Variants in POLR3E observed in about 807,000 individuals in gnomAD.
POLR3E encodes RNA polymerase III subunit E.
Under a neutral mutation model 96.6 loss-of-function variants are expected in POLR3E, and 41 were observed. The ratio of observed to expected loss-of-function variants is 0.42; its 90% CI spans 0.33 to 0.55. The LOEUF is 0.55. POLR3E is among the 20% of genes least tolerant of loss of function. The probability of loss-of-function intolerance (pLI) is 0.06; values close to 1 mark genes in which losing one functional copy is unlikely to be tolerated. For synonymous variants in POLR3E, 396 were observed against 383.6 expected, an observed-to-expected ratio of 1.03 and a Z score of -0.38; for missense variants, 849 against 952.1, an observed-to-expected ratio of 0.89 and a Z score of 1.43.
intron 1 of POLR3E, among the ~76,000 whole-genome samples, chr16:22,300,621 G>A (rs926241074): frequency 3.3e-5 from 5 of 152,236 alleles, no homozygotes; most frequent in African/African-American, 9.6e-5. Flanking sequence ...CAGATGGGGT[G>A]AGGCCTTGGG....
rs549639912 is a variant in POLR3E, at chr16:22,333,800, G to A, written c.*100G>A. 3.9e-5 allele frequency: 31 copies of A among 804,200 alleles called. No homozygotes were observed. The African/African-American group carries it at 5.1e-4, about 13-fold the overall frequency. 49.8% of individuals were successfully genotyped at this position (804,200 alleles called of 1,614,324 possible). A position where few individuals can be genotyped will look rare whatever the true frequency, so the allele number is the denominator to read the frequency against. ...TTGCTTCAGACGACACAGAGCAAGA[G>A]GAACTGACCATCTCATGACCTGTGG... On this transcript the variant is annotated 3_prime_UTR_variant, in exon 21 of 21. Coordinates refer to ENST00000299853, the MANE Select transcript of POLR3E (RefSeq NM_018119.4).
In POLR3E at chr16:22,323,704, G is replaced by C. The variant is rs550555574; in HGVS notation, c.1069-650G>C. ...CAGCATGTAACAATCACCACTCCCA[G>C]GCTTGCCTCCCCAGATACAGTGCCG... On this transcript the variant is annotated intron_variant, in intron 14 of 20. Coordinates refer to ENST00000299853, the MANE Select transcript of POLR3E (RefSeq NM_018119.4). 3.5e-4 allele frequency among the ~76,000 whole-genome samples: 53 copies of C among 152,282 alleles called. No individual in the cohort carries two copies. The South Asian group carries it at 0.011, about 31-fold the overall frequency.
intron 13 of POLR3E, among the ~76,000 whole-genome samples, chr16:22,321,106 C>T (rs777893387): frequency 3.3e-5 from 5 of 152,140 alleles, no homozygotes; most frequent in Non-Finnish European, 5.9e-5. Context: ...GCTGCCTCCA[C>T]GAGACCATCA....
intron 6 of POLR3E, among the ~76,000 whole-genome samples, chr16:22,312,873 CAAAAA>C (rs1167609047): frequency 1.6e-4 from 5 of 30,406 alleles, no homozygotes; most frequent in African/African-American, 3.4e-4. Context: ...CACTCCATCT[CAAAAA>C]AAAAAAAAAA....
chr16:22,319,061 C>T, intron 13 of POLR3E, 115 bp downstream of exon 13: 1 of 685,576 alleles, frequency 1.5e-6, no homozygotes, highest in South Asian at 2.1e-5. Context: ...TGTAACTTCT[C>T]CCTCCCAGGT....
chr16:22,331,940 G>A (rs968827001), intron 19 of POLR3E, 120 bp from the exon 20 acceptor site: 16 of 948,060 alleles, frequency 1.7e-5, no homozygotes, highest in East Asian at 4.9e-5. Context: ...GAGGTGCTGC[G>A]TGAGGGTTTT....
chr16:22,301,884 C>T (rs1043607575), intron 1 of POLR3E, among the ~76,000 whole-genome samples: 5 of 149,594 alleles, frequency 3.3e-5, no homozygotes, highest in South Asian at 2.1e-4. Flanking sequence ...ATCGTACCAC[C>T]GCACTCCAGC....
chr16:22,301,161 G>C (rs1033538766), intron 1 of POLR3E, among the ~76,000 whole-genome samples: 1 of 141,370 alleles, frequency 7.1e-6, no homozygotes, highest in African/African-American at 2.5e-5. Flanking sequence ...GTTATCGGGG[G>C]GGTAGAGCAG....
rs1179048586 is a variant in POLR3E, at chr16:22,322,689, G to A, written c.987-161G>A. On this transcript the variant is annotated intron_variant, in intron 13 of 20. Transcript: ENST00000299853. This position sits in a 1 kb window ranked among gnomAD's most constrained non-coding sequence, Gnocchi z 5.2. Reference sequence around the variant, plus strand: ...GGGTAGAGGGGTGCTTCTTTCCCATGTCTGTGTTCACAGATGTGGCTCCTA... The same window carrying A: ...GGGTAGAGGGGTGCTTCTTTCCCATATCTGTGTTCACAGATGTGGCTCCTA... Among the ~76,000 whole-genome samples, 3 of 151,960 alleles carry A rather than the reference G, an allele frequency of 2.0e-5. No individual in the cohort carries two copies. The highest frequency in any genetic ancestry group is 4.4e-5 in the Non-Finnish European group (3 of 68,006).
intron 15 of POLR3E, 39 bp from the exon 16 acceptor site, chr16:22,324,464 G>T: frequency 6.2e-7 from 1 of 1,610,690 alleles, no homozygotes; most frequent in South Asian, 1.1e-5. Flanking sequence ...GGAGGGGAGG[G>T]GGCTGGCTGT....
intron 2 of POLR3E, among the ~76,000 whole-genome samples, chr16:22,303,602 G>A (rs2048070114): frequency 6.6e-6 from 1 of 150,842 alleles, no homozygotes; most frequent in Non-Finnish European, 1.5e-5. Flanking sequence ...TGATGAGGCA[G>A]GAGTCTCCGG....
At position 22,334,648 on chromosome 16, in the gene POLR3E, A is replaced by G. The variant is rs1286607813; in HGVS notation, c.*948A>G. 3 of 152,212 alleles carry G rather than the reference A, an allele frequency of 2.0e-5. No individual in the cohort carries two copies. Among genetic ancestry groups the G allele is most frequent in the African/African-American group, 7.2e-5 (3 of 41,456 alleles). The allele number at this position is 152,212 out of a possible 1,614,324, so 9.4% of individuals were successfully genotyped here. A position where few individuals can be genotyped will look rare whatever the true frequency, so the allele number is the denominator to read the frequency against. On this transcript the variant is annotated 3_prime_UTR_variant, in exon 21 of 21. Coordinates refer to ENST00000299853, the MANE Select transcript of POLR3E (RefSeq NM_018119.4). ...GTTAGCATATTATTTAGCTCAAAAT[A>G]TCTAAAACATCAACATAAGGTAAAA...
chr16:22,313,939 T>C lies in POLR3E; in HGVS notation c.473-140T>C, dbSNP rs1005355196. 1 of 781,984 alleles carries C rather than the reference T, an allele frequency of 1.3e-6. No homozygotes were observed. The highest frequency in any genetic ancestry group is 2.1e-5 in the Admixed American group (1 of 47,514). The allele number at this position is 781,984 out of a possible 1,614,324, so 48.4% of individuals were successfully genotyped here. On this transcript the variant is annotated intron_variant, in intron 7 of 20. Transcript: ENST00000299853. The surrounding 1 kb of genome is among the most constrained non-coding windows in gnomAD (Gnocchi z 4.1). ...GTAAAGGGGCAAAACTGTCCCCGAT[T>C]GAGAACCACTGGCTTAGGCAGCTCC...
intron 9 of POLR3E, among the ~76,000 whole-genome samples, chr16:22,315,877 G>T (rs1002569363): frequency 2.4e-4 from 36 of 152,162 alleles, no homozygotes; most frequent in African/African-American, 8.4e-4. Flanking sequence ...ATGTTGGCCA[G>T]GCTGGTCTCG....
At chr16:22,307,354 C>T (rs1316709494) in intron 3 of POLR3E, among the ~76,000 whole-genome samples, 2 of 152,100 alleles carry the variant, frequency 1.3e-5, no homozygotes, top group African/African-American at 2.4e-5. Context: ...AGGAAATGAC[C>T]GTCTCCTTGC....
chr16:22,319,551 C>T lies in POLR3E; in HGVS notation c.986+605C>T, dbSNP rs544496731. Among the ~76,000 whole-genome samples the T allele has an allele frequency of 2.6e-5, 4 of 152,130 alleles. No homozygotes were observed. In the South Asian group the frequency reaches 8.3e-4, roughly 32 times the overall value. On this transcript the variant is annotated intron_variant, in intron 13 of 20. Coordinates refer to ENST00000299853, the MANE Select transcript of POLR3E (RefSeq NM_018119.4). ...GTAGCTGGGACTACAAGGCACCCGC[C>T]ACCACGCCCAGCTAATTTTTTGTAT...
At chr16:22,301,925 A>G (rs1477287392) in intron 1 of POLR3E, among the ~76,000 whole-genome samples, 2 of 137,922 alleles carry the variant, frequency 1.5e-5, no homozygotes, top group African/African-American at 5.1e-5. Context: ...CCGTCTCAAG[A>G]AAAAAAAAAA....
chr16:22,325,594 G>A (rs761759694), intron 17 of POLR3E, among the ~76,000 whole-genome samples, 167 bp from the exon 18 acceptor site: 4 of 152,158 alleles, frequency 2.6e-5, no homozygotes, highest in Non-Finnish European at 4.4e-5. Context: ...CATGACTCTC[G>A]GCACGCTGGG....
intron 19 of POLR3E, chr16:22,328,891 C>G (rs2048671019): frequency 2.1e-5 from 7 of 326,570 alleles, no homozygotes; most frequent in South Asian, 1.9e-4. Context: ...TTTGGGAGGC[C>G]AAGGTGGGTG....
Sources: gnomAD v4.1 joint callset for allele counts (sites outside exome capture counted in the v4.1 genomes callset) on GRCh38, gnomAD v4.1.1 for gene constraint, Gnocchi (gnomAD v3.1) non-coding constraint, MANE v1.5 for transcripts, NCBI Gene and HGNC (gene_info 2026-07-23, HGNC 2026-07-21) for gene names.